NXPE2: variants seen among roughly 807,000 people sequenced by gnomAD.
NXPE2 encodes NXPE family member 2.
NXPE2 carries 34 observed loss-of-function variants against 34.4 expected under a neutral mutation model. The observed-to-expected ratio is 0.99, with a 90% confidence interval of 0.75 to 1.31. The LOEUF (loss-of-function observed/expected upper bound fraction) is 1.31. Ranked by LOEUF, NXPE2 falls within the 40% of genes most tolerant of loss-of-function variation. The pLI is 0.00. For synonymous variants in NXPE2, 235 were observed against 231.3 expected, an observed-to-expected ratio of 1.02 and a Z score of -0.15; for missense variants, 649 against 672.5, an observed-to-expected ratio of 0.97 and a Z score of 0.39.
chr11:114,610,481 T>C, the NXPE2 span, among the ~76,000 whole-genome samples: 1 of 151,920 alleles, frequency 6.6e-6, no homozygotes, highest in South Asian at 2.1e-4. Flanking sequence ...GGGTAACCAC[T>C]GTTACCCAGT....
chr11:114,758,625 G>T, the NXPE2 span, among the ~76,000 whole-genome samples: 1 of 152,022 alleles, frequency 6.6e-6, no homozygotes. Context: ...TTGGAGATCT[G>T]GGCTAGAATC....
At chr11:114,632,117 ATAT>A in the NXPE2 span, among the ~76,000 whole-genome samples, 40 of 144,548 alleles carry the variant, frequency 2.8e-4, 1 homozygote, top group East Asian at 6.4e-3. Flanking sequence ...TATAAATTAT[ATAT>A]TATAATAAAA....
At chr11:114,743,898 CAT>C in the NXPE2 span, among the ~76,000 whole-genome samples, 10 of 149,142 alleles carry the variant, frequency 6.7e-5, no homozygotes, top group African/African-American at 2.0e-4. Flanking sequence ...TATATACACA[CAT>C]ATATGTATAT....
the NXPE2 span, chr11:114,523,099 C>T: frequency 6.3e-7 from 1 of 1,596,748 alleles, no homozygotes; most frequent in African/African-American, 1.3e-5. Flanking sequence ...TCTCTGGTAA[C>T]AAAGACACTC....
chr11:114,527,459 G>C, the NXPE2 span, among the ~76,000 whole-genome samples: 8 of 152,110 alleles, frequency 5.3e-5, no homozygotes, highest in African/African-American at 9.7e-5. Flanking sequence ...TATAAAATTG[G>C]TAATTGCATC....
At chr11:114,476,573 C>A in the NXPE2 span, among the ~76,000 whole-genome samples, 1 of 152,098 alleles carries the variant, frequency 6.6e-6, no homozygotes, top group Non-Finnish European at 1.5e-5. Flanking sequence ...CTGGGTTAAG[C>A]CTCAGGAAAC....
At chr11:114,557,673 A>C in the NXPE2 span, among the ~76,000 whole-genome samples, 3 of 123,920 alleles carry the variant, frequency 2.4e-5, no homozygotes, top group Non-Finnish European at 1.7e-5. Flanking sequence ...ATATATATAT[A>C]AAATCCTTGT....
chr11:114,806,505 C>T, the NXPE2 span, among the ~76,000 whole-genome samples: 2 of 152,198 alleles, frequency 1.3e-5, no homozygotes. Context: ...CCTTAAAGGA[C>T]CTGATGGAGC....
At chr11:114,777,910 G>T in the NXPE2 span, among the ~76,000 whole-genome samples, 1 of 152,206 alleles carries the variant, frequency 6.6e-6, no homozygotes, top group Non-Finnish European at 1.5e-5. Flanking sequence ...GTGATTCTGA[G>T]TGAGCAACTG....
the NXPE2 span, among the ~76,000 whole-genome samples, chr11:114,753,147 C>G: frequency 2.6e-5 from 4 of 152,138 alleles, no homozygotes; most frequent in Non-Finnish European, 4.4e-5. Flanking sequence ...TGGCTAGCAC[C>G]TGTAGTCCCT....
chr11:114,811,986 A>G, the NXPE2 span, among the ~76,000 whole-genome samples: 1 of 152,204 alleles, frequency 6.6e-6, no homozygotes, highest in Non-Finnish European at 1.5e-5. Flanking sequence ...CATAGCAGAC[A>G]CTCAAAAAAA....
At chr11:114,753,925 C>T in the NXPE2 span, among the ~76,000 whole-genome samples, 1 of 152,110 alleles carries the variant, frequency 6.6e-6, no homozygotes, top group East Asian at 1.9e-4. Context: ...GGAATATGAT[C>T]TTTGGAGTCA....
chr11:114,644,709 T>C, the NXPE2 span, among the ~76,000 whole-genome samples: 31 of 152,176 alleles, frequency 2.0e-4, no homozygotes, highest in Non-Finnish European at 4.3e-4. Flanking sequence ...CCTCAAATTT[T>C]ATCAAATCTC....
the NXPE2 span, among the ~76,000 whole-genome samples, chr11:114,547,074 C>A: frequency 1.3e-5 from 2 of 152,248 alleles, no homozygotes; most frequent in East Asian, 3.9e-4. Flanking sequence ...AACAGAACTG[C>A]CCAATCCTTA....
chr11:114,811,781 G>A, the NXPE2 span, among the ~76,000 whole-genome samples: 862 of 152,318 alleles, frequency 5.7e-3, 11 homozygotes, highest in African/African-American at 0.02. Flanking sequence ...GTCACCAGTC[G>A]TAGGGCCAGA....
At chr11:114,722,295 T>C in the NXPE2 span, among the ~76,000 whole-genome samples, 1 of 152,084 alleles carries the variant, frequency 6.6e-6, no homozygotes, top group African/African-American at 2.4e-5. Context: ...CATCTGACAT[T>C]TCCCCTTCTC....
the NXPE2 span, among the ~76,000 whole-genome samples, chr11:114,568,575 T>C: frequency 6.6e-6 from 1 of 150,670 alleles, no homozygotes; most frequent in African/African-American, 2.4e-5. Flanking sequence ...TACCCACCCA[T>C]TATAATTAGG....
the NXPE2 span, among the ~76,000 whole-genome samples, chr11:114,780,701 T>C: frequency 6.6e-6 from 1 of 152,120 alleles, no homozygotes; most frequent in Non-Finnish European, 1.5e-5. Flanking sequence ...AAGGCAAACT[T>C]GATTCTGACT....
chr11:114,772,308 T>C, the NXPE2 span, among the ~76,000 whole-genome samples: 22 of 152,052 alleles, frequency 1.4e-4, no homozygotes, highest in Non-Finnish European at 2.9e-4. Context: ...TGGTAATTAG[T>C]ACAGACTCTG....
Sources: allele counts gnomAD v4.1 joint callset (sites outside exome capture counted in the v4.1 genomes callset), GRCh38; gene constraint gnomAD v4.1.1; transcripts MANE v1.5; gene names NCBI Gene and HGNC (gene_info 2026-07-23, HGNC 2026-07-21).